SYTL1: variants seen among roughly 807,000 people sequenced by gnomAD.
SYTL1 encodes the protein synaptotagmin-like protein 1.
SYTL1 carries 53 observed loss-of-function variants against 74.6 expected under a neutral mutation model. The ratio of observed to expected loss-of-function variants is 0.71; its 90% CI spans 0.57 to 0.89. SYTL1 has a LOEUF of 0.89. Among genes scored for constraint, SYTL1 ranks in the 40% least tolerant of loss-of-function variants. The pLI, the probability that SYTL1 is intolerant of heterozygous loss-of-function variation, is 0.00. For synonymous variants in SYTL1, 329 were observed against 324.9 expected (o/e 1.01, Z -0.14); for missense variants, 728 against 768.7 (o/e 0.95, Z 0.63).
In SYTL1 at chr1:27,351,094, C is replaced by T; in HGVS notation, c.1164+142C>T. On this transcript the variant is annotated intron_variant, in intron 11 of 14. Coordinates refer to ENST00000616558, the MANE Select transcript of SYTL1 (RefSeq NM_001193308.2). This position sits in a 1 kb window ranked among gnomAD's most constrained non-coding sequence, Gnocchi z 5.0. ...TTAACCTCATGGCCCCAGGCGAAGC[C>T]CGGCCGGCCACGGCCCCTTCCCCGA... 1 of 1,337,306 alleles carries T rather than the reference C, an allele frequency of 7.5e-7. No individual in the cohort carries two copies. The highest frequency in any genetic ancestry group is 1.0e-6 in the Non-Finnish European group (1 of 986,738). The allele number at this position is 1,337,306 out of a possible 1,614,324, so 82.8% of individuals were successfully genotyped here.
At position 27,342,228 on chromosome 1, in the gene SYTL1, C is replaced by T; in HGVS notation, c.-39+78C>T. 1.7e-6 allele frequency: 1 copy of T among 603,924 alleles called. No homozygotes were observed. The highest frequency in any genetic ancestry group is 2.1e-6 in the Non-Finnish European group (1 of 481,628). 37.4% of individuals were successfully genotyped at this position (603,924 alleles called of 1,614,324 possible). A position where few individuals can be genotyped will look rare whatever the true frequency, so the allele number is the denominator to read the frequency against. On this transcript the variant is annotated intron_variant, in intron 1 of 14. Transcript: ENST00000616558. The surrounding 1 kb of genome is among the most constrained non-coding windows in gnomAD (Gnocchi z 4.7). ...TGCCACCTGGTATCCTGAGCACCCTCCAGCACCTTGGGGTTGGGGGAGGTG... is the reference window on the plus strand; with the variant it reads ...TGCCACCTGGTATCCTGAGCACCCTTCAGCACCTTGGGGTTGGGGGAGGTG...
Position 27,345,198 on chromosome 1 carries a change from C to A in SYTL1, c.-38-99C>A. The A allele has an allele frequency of 3.1e-6, 2 of 646,394 alleles. No homozygotes were observed. The highest frequency in any genetic ancestry group is 5.0e-6 in the Non-Finnish European group (2 of 400,132). The allele number at this position is 646,394 out of a possible 1,614,324, so 40.0% of individuals were successfully genotyped here. The stretch of plus-strand genomic sequence containing the variant: ...TCAGCCATCCTGGGGTGGCACCCTA[C>A]CCATACCCGGCCAAGTGTTTGGGGA... On this transcript the variant is annotated intron_variant, in intron 1 of 14. Coordinates refer to ENST00000616558, the MANE Select transcript of SYTL1 (RefSeq NM_001193308.2). This position sits in a 1 kb window ranked among gnomAD's most constrained non-coding sequence, Gnocchi z 6.0.
rs2015131908 is a variant in SYTL1 at position 27,349,240 on chromosome 1, C to T, written c.532+88C>T. On this transcript the variant is annotated intron_variant, in intron 6 of 14. Coordinates refer to ENST00000616558, the MANE Select transcript of SYTL1 (RefSeq NM_001193308.2). ...GGCCCCAACCACCTGTGTTCACCCT[C>T]GTCACCCCCACTCCCACCCCGCGTC... 5 of 1,512,904 alleles carry T rather than the reference C, an allele frequency of 3.3e-6. No homozygotes were observed. In the East Asian group the frequency reaches 6.9e-5, roughly 21 times the overall value. 93.7% of individuals were successfully genotyped at this position (1,512,904 alleles called of 1,614,324 possible). A position where few individuals can be genotyped will look rare whatever the true frequency, so the allele number is the denominator to read the frequency against.
Position 27,347,344 on chromosome 1 carries a change from C to T in SYTL1, c.192-77C>T. 1 of 1,600,476 alleles carries T rather than the reference C, an allele frequency of 6.2e-7. No individual in the cohort carries two copies. The highest frequency in any genetic ancestry group is 1.1e-5 in the South Asian group (1 of 89,954). On this transcript the variant is annotated intron_variant, in intron 2 of 14. Transcript: ENST00000616558. The surrounding 1 kb of genome is among the most constrained non-coding windows in gnomAD (Gnocchi z 4.9). ...CTGTTGGGTCCCTGGCCCCTGGTCC[C>T]AAGCCTGTTAACAATGTAGGTGGCG...
At position 27,351,636 on chromosome 1, in the gene SYTL1, A is replaced by C. The variant is rs769805156; in HGVS notation, c.1343+81A>C. 1.7e-4 allele frequency: 145 copies of C among 877,716 alleles called. No individual in the cohort carries two copies. The highest frequency in any genetic ancestry group is 8.0e-4 in the Middle Eastern group (3 of 3,772). The allele number at this position is 877,716 out of a possible 1,614,324, so 54.4% of individuals were successfully genotyped here. On this transcript the variant is annotated intron_variant, in intron 13 of 14. Transcript: ENST00000616558. The surrounding 1 kb of genome is among the most constrained non-coding windows in gnomAD (Gnocchi z 5.0). Reference sequence around the variant, plus strand: ...AACCTCCACAAACCCTTACTAATCAACCTTTGATCACGCAGCCTGGGCTTT... The same window carrying C: ...AACCTCCACAAACCCTTACTAATCACCCTTTGATCACGCAGCCTGGGCTTT...
Position 27,350,673 on chromosome 1 carries a change from CT to C in SYTL1, c.1006-119del. 7.7e-7 allele frequency: 1 copy of C among 1,304,448 alleles called. No homozygotes were observed. Among genetic ancestry groups the C allele is most frequent in the Non-Finnish European group, 1.1e-6 (1 of 939,808 alleles). The allele number at this position is 1,304,448 out of a possible 1,614,324, so 80.8% of individuals were successfully genotyped here. A position where few individuals can be genotyped will look rare whatever the true frequency, so the allele number is the denominator to read the frequency against. Reference sequence around the variant, plus strand: ...GATAGTGCAGGTCCCCATTAATGCCCTTAGGGGCTCCCCAGAATTCCATCAT... The same window carrying C: ...GATAGTGCAGGTCCCCATTAATGCCCTAGGGGCTCCCCAGAATTCCATCAT... On this transcript the variant is annotated intron_variant, in intron 10 of 14. Coordinates refer to ENST00000616558, the MANE Select transcript of SYTL1 (RefSeq NM_001193308.2). This position sits in a 1 kb window ranked among gnomAD's most constrained non-coding sequence, Gnocchi z 6.3.
In SYTL1 at chr1:27,347,386, G is replaced by A. The variant is rs749806868; in HGVS notation, c.192-35G>A. 1.2e-6 allele frequency: 2 copies of A among 1,613,670 alleles called. No homozygotes were observed. The highest frequency in any genetic ancestry group is 1.7e-6 in the Non-Finnish European group (2 of 1,179,952). On this transcript the variant is annotated intron_variant, in intron 2 of 14. Transcript: ENST00000616558. This position sits in a 1 kb window ranked among gnomAD's most constrained non-coding sequence, Gnocchi z 4.9. ...TAGGTGGCGGGAATGTTGCTTGGGT[G>A]AGTCATGACAGCCACACCCTCCCCC...
rs1327377476 is a variant in SYTL1, at chr1:27,343,020, G to A, written c.-39+870G>A. 1.3e-5 allele frequency among the ~76,000 whole-genome samples: 2 copies of A among 152,254 alleles called. No homozygotes were observed. Among genetic ancestry groups the A allele is most frequent in the Admixed American group, 6.5e-5 (1 of 15,290 alleles). On this transcript the variant is annotated intron_variant, in intron 1 of 14. Coordinates refer to ENST00000616558, the MANE Select transcript of SYTL1 (RefSeq NM_001193308.2). The surrounding 1 kb of genome is among the most constrained non-coding windows in gnomAD (Gnocchi z 5.2). Reference sequence around the variant, plus strand: ...GCTCCTGAGGGTGTCAAGAGGGATCGCTGGGGCTCGGCCACTGACTCAGCT... The same window carrying A: ...GCTCCTGAGGGTGTCAAGAGGGATCACTGGGGCTCGGCCACTGACTCAGCT...
Position 27,346,783 on chromosome 1 carries a change from A to G in SYTL1, c.192-638A>G, listed in dbSNP as rs528760633. 1.1e-3 allele frequency among the ~76,000 whole-genome samples: 169 copies of G among 152,136 alleles called. 2 individuals are homozygous for G. In the South Asian group the frequency reaches 0.014, roughly 13 times the overall value. ...CTCAAAAAAAAATAATAAAATTAAA[A>G]GTATAATAATTATTATCCTTCTCTA... On this transcript the variant is annotated intron_variant, in intron 2 of 14. Transcript: ENST00000616558.
chr1:27,349,055 G>C (rs762578865), intron 5 of SYTL1, 25 bp from the exon 6 acceptor site: 2 of 1,587,642 alleles, frequency 1.3e-6, no homozygotes, highest in African/African-American at 2.7e-5. Context: ...CCCGTACTGT[G>C]ACCTCTACCC....
At position 27,345,272 on chromosome 1, in the gene SYTL1, G is replaced by C; in HGVS notation, c.-38-25G>C. On this transcript the variant is annotated intron_variant, in intron 1 of 14. Transcript: ENST00000616558. The surrounding 1 kb of genome is among the most constrained non-coding windows in gnomAD (Gnocchi z 6.0). The stretch of plus-strand genomic sequence containing the variant: ...TGTGCCAAGCATTTGTGCAGGGCTT[G>C]ACCTGACCCTCGGTCTGCCCCCAGG... The C allele has an allele frequency of 7.7e-7, 1 of 1,291,646 alleles. No homozygotes were observed. The allele number at this position is 1,291,646 out of a possible 1,614,324, so 80.0% of individuals were successfully genotyped here. A position where few individuals can be genotyped will look rare whatever the true frequency, so the allele number is the denominator to read the frequency against.
intron 6 of SYTL1, 85 bp downstream of exon 6, chr1:27,349,237 C>A: frequency 6.6e-7 from 1 of 1,516,192 alleles, no homozygotes; most frequent in Non-Finnish European, 9.0e-7. Flanking sequence ...CTGTGTTCAC[C>A]CTCGTCACCC....
rs2148040052 is a variant in SYTL1 at position 27,353,267 on chromosome 1, G to A, written c.1344-16G>A. The A allele has an allele frequency of 6.4e-7, 1 of 1,572,716 alleles. No homozygotes were observed. The highest frequency in any genetic ancestry group is 8.6e-7 in the Non-Finnish European group (1 of 1,158,950). ...TGTGAGGGGGGTCACCTGATGCCAG[G>A]CCACCTCCCGCACAGCTTCGTGCTG... On this transcript the variant is annotated splice_polypyrimidine_tract_variant and intron_variant, in intron 13 of 14. Transcript: ENST00000616558.
rs758025626 is a variant in SYTL1, at chr1:27,342,299, C to G, written c.-39+149C>G. ...ACAGCTGGACAGATGGACAGACCCT[C>G]CTCTTGACCAATGGGTCTGTCCCAC... On this transcript the variant is annotated intron_variant, in intron 1 of 14. Coordinates refer to ENST00000616558, the MANE Select transcript of SYTL1 (RefSeq NM_001193308.2). The surrounding 1 kb of genome is among the most constrained non-coding windows in gnomAD (Gnocchi z 4.7). The G allele has an allele frequency of 6.1e-6, 6 of 983,498 alleles. No homozygotes were observed. Among genetic ancestry groups the G allele is most frequent in the Non-Finnish European group, 7.2e-6 (6 of 828,128 alleles). 60.9% of individuals were successfully genotyped at this position (983,498 alleles called of 1,614,324 possible).
intron 2 of SYTL1, among the ~76,000 whole-genome samples, chr1:27,346,644 C>G (rs1176953613): frequency 1.3e-5 from 2 of 152,018 alleles, no homozygotes; most frequent in Non-Finnish European, 2.9e-5. Flanking sequence ...CGCCTGTAGT[C>G]CCAGCTATTT....
rs1021561306 is a variant in SYTL1 at position 27,350,248 on chromosome 1, C to A, written c.908+116C>A. On this transcript the variant is annotated intron_variant, in intron 9 of 14. Transcript: ENST00000616558. This position sits in a 1 kb window ranked among gnomAD's most constrained non-coding sequence, Gnocchi z 6.3. ...TGGGAACAACAGCGTTATTGGGAGG[C>A]GTGCGATTAAGCGAGACAATCCCTG... The A allele has an allele frequency of 2.0e-6, 3 of 1,481,228 alleles. No individual in the cohort carries two copies. The highest frequency in any genetic ancestry group is 2.8e-6 in the Non-Finnish European group (3 of 1,071,362). The allele number at this position is 1,481,228 out of a possible 1,614,324, so 91.8% of individuals were successfully genotyped here. A position where few individuals can be genotyped will look rare whatever the true frequency, so the allele number is the denominator to read the frequency against.
rs928917718 is a variant in SYTL1, at chr1:27,351,868, A to G, written c.1343+313A>G. Reference sequence around the variant, plus strand: ...GGCTGGGAACTTATAGTTCAGTGTAAGCTTCTAGGGGACTTCTAGGGGTGC... The same window carrying G: ...GGCTGGGAACTTATAGTTCAGTGTAGGCTTCTAGGGGACTTCTAGGGGTGC... On this transcript the variant is annotated intron_variant, in intron 13 of 14. Transcript: ENST00000616558. The surrounding 1 kb of genome is among the most constrained non-coding windows in gnomAD (Gnocchi z 5.0). The G allele has an allele frequency of 1.0e-5, 3 of 301,266 alleles. No individual in the cohort carries two copies. The highest frequency in any genetic ancestry group is 6.6e-5 in the African/African-American group (3 of 45,774). The allele number at this position is 301,266 out of a possible 1,614,324, so 18.7% of individuals were successfully genotyped here. A position where few individuals can be genotyped will look rare whatever the true frequency, so the allele number is the denominator to read the frequency against.
chr1:27,350,013 G>A lies in SYTL1; in HGVS notation c.789G>A (p.Ala263=), dbSNP rs149208728. Residue 263 remains alanine (A), a synonymous_variant, in exon 9 of 15, where the codon GCG becomes GCA. Coordinates refer to ENST00000616558, the MANE Select transcript of SYTL1 (RefSeq NM_001193308.2). This position sits in a 1 kb window ranked among gnomAD's most constrained non-coding sequence, Gnocchi z 6.3. The part of the protein sequence containing the change: ...SQMSLSGDAE[A]VQVRGSVHFA... ...TGAGCCTGTCAGGCGACGCGGAGGC[G>A]GTGCAGGTCCGCGGCTCCGTGCACT... 13,820 of 1,559,460 alleles carry A rather than the reference G, an allele frequency of 8.9e-3. 87 individuals carry two copies. The highest frequency in any genetic ancestry group is 0.011 in the Non-Finnish European group (12,702 of 1,161,998).
chr1:27,345,494 C>T lies in SYTL1; in HGVS notation c.160C>T (p.Arg54Cys), dbSNP rs757392446. Reference protein sequence around the residue: ...AIAGVLQRDARLRQLEEGRVS... With the variant: ...AIAGVLQRDACLRQLEEGRVS... ...TGCTGGCGTCCTCCAACGAGATGCC[C>T]GCCTGCGCCAGCTGGAGGAGGGGCG... Residue 54 changes from arginine (R) to cysteine (C), a missense_variant, in exon 2 of 15, where the codon CGC becomes TGC. Coordinates refer to ENST00000616558, the MANE Select transcript of SYTL1 (RefSeq NM_001193308.2). The surrounding 1 kb of genome is among the most constrained non-coding windows in gnomAD (Gnocchi z 6.0). The T allele has an allele frequency of 4.6e-5, 71 of 1,557,632 alleles. No individual in the cohort carries two copies. The highest frequency in any genetic ancestry group is 7.1e-5 in the South Asian group (6 of 84,380).
Sources: gnomAD v4.1 joint callset for allele counts (sites outside exome capture counted in the v4.1 genomes callset) on GRCh38, gnomAD v4.1.1 for gene constraint, Gnocchi (gnomAD v3.1) non-coding constraint, MANE v1.5 for transcripts, NCBI Gene and HGNC (gene_info 2026-07-23, HGNC 2026-07-21) for gene names.